Variants in ZHX2 observed in about 807,000 individuals in gnomAD.
ZHX2 encodes zinc fingers and homeoboxes protein 2.
Under a neutral mutation model 21.9 loss-of-function variants are expected in ZHX2, and 6 were observed. The observed-to-expected ratio is 0.27, with a 90% CI of 0.15 to 0.54. The LOEUF is 0.54. ZHX2 is among the 20% of genes least tolerant of loss of function. The pLI is 0.95. For missense variants in ZHX2, 908 were observed against 1,090.7 expected (o/e 0.83, Z 2.36); for synonymous variants, 434 against 437.1 (o/e 0.99, Z 0.09).
intron 2 of ZHX2, among the ~76,000 whole-genome samples, chr8:122,931,982 C>T (rs7001179): frequency 0.55 from 84,200 of 151,782 alleles, 23,658 homozygotes; most frequent in Admixed American, 0.61. Flanking sequence ...CGAGCTGGTG[C>T]GTGACTCTCT....
At position 122,918,957 on chromosome 8, in the gene ZHX2, A is replaced by C. The variant is rs145487679; in HGVS notation, c.-219-32335A>C. ...GCAAGACTCCACCTCAAAAAAAAAA[A>C]AAAAAACTTTATTTACAAAAACAGG... is the stretch of plus-strand genomic sequence containing the variant. On this transcript the variant is annotated intron_variant, in intron 2 of 3. Transcript: ENST00000314393. 3.9e-3 allele frequency among the ~76,000 whole-genome samples: 587 copies of C among 152,142 alleles called. 8 individuals are homozygous for C. The highest frequency in any genetic ancestry group is 0.013 in the African/African-American group (543 of 41,498).
chr8:122,872,411 C>T (rs1391232755), intron 2 of ZHX2, among the ~76,000 whole-genome samples: 1 of 152,172 alleles, frequency 6.6e-6, no homozygotes, highest in Non-Finnish European at 1.5e-5. Context: ...GGGCAAGTTC[C>T]AACCAGGCCC....
chr8:122,937,788 A>G (rs892024350), intron 2 of ZHX2, among the ~76,000 whole-genome samples: 16 of 151,848 alleles, frequency 1.1e-4, no homozygotes, highest in Non-Finnish European at 2.1e-4. Flanking sequence ...CATGTTGGCT[A>G]GGCCAGTCTC....
chr8:122,956,677 G>A (rs1813312142), intron 3 of ZHX2, among the ~76,000 whole-genome samples: 2 of 152,194 alleles, frequency 1.3e-5, no homozygotes, highest in Admixed American at 1.3e-4. Context: ...GATAAGAGGA[G>A]GCAAACTGAA....
At chr8:122,817,687 C>T (rs2130626480) in intron 1 of ZHX2, among the ~76,000 whole-genome samples, 1 of 152,362 alleles carries the variant, frequency 6.6e-6, no homozygotes, top group Admixed American at 6.5e-5. Flanking sequence ...CTGCCTCTTG[C>T]CAGAAGTGAA....
chr8:122,816,393 G>A (rs1563740123), intron 1 of ZHX2: 1 of 151,340 alleles, frequency 6.6e-6, no homozygotes, highest in Non-Finnish European at 1.5e-5. Flanking sequence ...TGGAACTGAA[G>A]TCTCAATAGC....
At chr8:122,804,514 A>G (rs1450185092) in intron 1 of ZHX2, among the ~76,000 whole-genome samples, 1 of 152,176 alleles carries the variant, frequency 6.6e-6, no homozygotes, top group Non-Finnish European at 1.5e-5. Flanking sequence ...CCTGGCTCCT[A>G]TCTTCTGGGA....
chr8:122,859,523 G>C (rs1030729374), intron 1 of ZHX2, among the ~76,000 whole-genome samples: 1 of 152,154 alleles, frequency 6.6e-6, no homozygotes. Context: ...GCGTGGCTAT[G>C]TGGCTGTGGA....
At chr8:122,840,414 C>T (rs1482946540) in intron 1 of ZHX2, among the ~76,000 whole-genome samples, 2 of 152,196 alleles carry the variant, frequency 1.3e-5, no homozygotes, top group Admixed American at 6.5e-5. Flanking sequence ...TTTAACTTCT[C>T]TGTGCATCAA....
chr8:122,904,763 C>CA (rs760780367), intron 2 of ZHX2, among the ~76,000 whole-genome samples: 16 of 152,212 alleles, frequency 1.1e-4, no homozygotes, highest in Admixed American at 5.9e-4. Context: ...TTTCAGTTTT[C>CA]AAAATCACTC....
intron 2 of ZHX2, among the ~76,000 whole-genome samples, chr8:122,895,801 T>C (rs1279561305): frequency 6.6e-6 from 1 of 151,556 alleles, no homozygotes; most frequent in Middle Eastern, 3.3e-3. Flanking sequence ...TATTCTGCTA[T>C]TGAACCATCA....
chr8:122,875,314 G>A (rs1396175156), intron 2 of ZHX2, among the ~76,000 whole-genome samples: 1 of 151,334 alleles, frequency 6.6e-6, no homozygotes, highest in Non-Finnish European at 1.5e-5. Flanking sequence ...ATTTTTAAAG[G>A]GTTGTAAAAA....
chr8:122,923,629 A>G (rs1820786938), intron 2 of ZHX2, among the ~76,000 whole-genome samples: 1 of 152,206 alleles, frequency 6.6e-6, no homozygotes, highest in South Asian at 2.1e-4. Context: ...TGTCTGCCAC[A>G]AAGTCACCAC....
chr8:122,930,648 T>G (rs1362272106), intron 2 of ZHX2, among the ~76,000 whole-genome samples: 15 of 151,858 alleles, frequency 9.9e-5, no homozygotes, highest in African/African-American at 3.1e-4. Flanking sequence ...ATTTTTGTTT[T>G]TTTTTTTTTT....
chr8:122,879,857 T>C (rs1338688148), intron 2 of ZHX2, among the ~76,000 whole-genome samples: 1 of 152,188 alleles, frequency 6.6e-6, no homozygotes, highest in Non-Finnish European at 1.5e-5. Flanking sequence ...ATAGTGTTGT[T>C]ATGAGGACTA....
At chr8:122,799,370 C>T (rs1284707114) in intron 1 of ZHX2, among the ~76,000 whole-genome samples, 1 of 151,364 alleles carries the variant, frequency 6.6e-6, no homozygotes, top group African/African-American at 2.4e-5. Flanking sequence ...TGGGCTAACA[C>T]CCTTTGTTTT....
At chr8:122,942,066 G>A (rs950077355) in intron 2 of ZHX2, among the ~76,000 whole-genome samples, 1 of 152,180 alleles carries the variant, frequency 6.6e-6, no homozygotes, top group Non-Finnish European at 1.5e-5. Flanking sequence ...AGAGAAAAAT[G>A]GAGGCAAGGA....
At chr8:122,844,269 TAGAC>T (rs1276280788) in intron 1 of ZHX2, among the ~76,000 whole-genome samples, 9 of 152,208 alleles carry the variant, frequency 5.9e-5, no homozygotes, top group Admixed American at 3.3e-4. Context: ...ACATAGGTCT[TAGAC>T]AGGCTCCATC....
intron 1 of ZHX2, among the ~76,000 whole-genome samples, chr8:122,857,728 T>C (rs181337783): frequency 1.3e-5 from 2 of 152,290 alleles, no homozygotes; most frequent in Non-Finnish European, 2.9e-5. Flanking sequence ...CAAACCTCCA[T>C]GTTGAACTTT....
Sources: allele counts gnomAD v4.1 joint callset (sites outside exome capture counted in the v4.1 genomes callset), GRCh38; gene constraint gnomAD v4.1.1; transcripts MANE v1.5; gene names NCBI Gene and HGNC (gene_info 2026-07-23, HGNC 2026-07-21).